FBXL7: variants seen among roughly 807,000 people sequenced by gnomAD.
FBXL7 encodes F-box/LRR-repeat protein 7.
In FBXL7, 12 loss-of-function variants were observed where a neutral mutation model predicts 38.3. That is an observed-to-expected ratio of 0.31 (90% CI 0.20 to 0.51). FBXL7 has a LOEUF of 0.51. Among genes scored for constraint, FBXL7 ranks in the 20% least tolerant of loss-of-function variants. The pLI is 0.98. For synonymous variants in FBXL7, 297 were observed against 300.9 expected (o/e 0.99, Z 0.13); for missense variants, 567 against 676.4 (o/e 0.84, Z 1.79).
At chr5:15,926,171 G>C (rs1741871997) in intron 2 of FBXL7, among the ~76,000 whole-genome samples, 1 of 151,792 alleles carries the variant, frequency 6.6e-6, no homozygotes. Flanking sequence ...ATGTGTGTGG[G>C]TATATGTATG....
intron 2 of FBXL7, among the ~76,000 whole-genome samples, chr5:15,657,946 C>A (rs1190298515): frequency 4.6e-5 from 7 of 152,056 alleles, no homozygotes; most frequent in Admixed American, 4.6e-4. Flanking sequence ...TAAATTCTGC[C>A]TAAGGTGGAA....
chr5:15,561,759 G>C (rs999807822), intron 1 of FBXL7, among the ~76,000 whole-genome samples: 2 of 152,040 alleles, frequency 1.3e-5, no homozygotes, highest in Non-Finnish European at 1.5e-5. Context: ...TAACAGGCAT[G>C]AGATGGTATC....
chr5:15,685,176 C>T (rs73752499), intron 2 of FBXL7, among the ~76,000 whole-genome samples: 8,110 of 152,234 alleles, frequency 0.053, 238 homozygotes, highest in East Asian at 0.084. Flanking sequence ...AACAGTGAAA[C>T]TCATGAATGT....
At chr5:15,894,026 G>A (rs974967784) in intron 2 of FBXL7, among the ~76,000 whole-genome samples, 7 of 152,228 alleles carry the variant, frequency 4.6e-5, no homozygotes, top group African/African-American at 1.7e-4. Context: ...GGTGGCTTAC[G>A]CCTGTAATCC....
chr5:15,727,325 T>C (rs77561503), intron 2 of FBXL7, among the ~76,000 whole-genome samples: 24 of 152,342 alleles, frequency 1.6e-4, no homozygotes, highest in African/African-American at 5.3e-4. Context: ...TGCTTTGGAT[T>C]ACTGTTTAGT....
intron 2 of FBXL7, among the ~76,000 whole-genome samples, chr5:15,734,710 A>T (rs972860950): frequency 3.3e-5 from 5 of 152,152 alleles, no homozygotes; most frequent in African/African-American, 1.2e-4. Flanking sequence ...AGGACTTATG[A>T]TACATATGTT....
intron 2 of FBXL7, among the ~76,000 whole-genome samples, chr5:15,641,085 ACAATCAAGG>A (rs1370121214): frequency 6.6e-6 from 1 of 152,196 alleles, no homozygotes; most frequent in Non-Finnish European, 1.5e-5. Context: ...CAGAGTGAAG[ACAATCAAGG>A]CAAGTCTCCA....
At chr5:15,774,946 G>A (rs1296349432) in intron 2 of FBXL7, among the ~76,000 whole-genome samples, 2 of 152,190 alleles carry the variant, frequency 1.3e-5, no homozygotes, top group East Asian at 3.9e-4. Flanking sequence ...AAGTAGATAA[G>A]TCTGTGAACA....
chr5:15,507,047 T>G (rs1056408741), intron 1 of FBXL7, among the ~76,000 whole-genome samples: 1 of 151,448 alleles, frequency 6.6e-6, no homozygotes, highest in Non-Finnish European at 1.5e-5. Flanking sequence ...ATTTGTGACT[T>G]CATTCAAGGG....
chr5:15,500,646 C>T lies in FBXL7; in HGVS notation c.-31C>T. On this transcript the variant is annotated 5_prime_UTR_variant, in exon 1 of 4. Coordinates refer to ENST00000504595, the MANE Select transcript of FBXL7 (RefSeq NM_012304.5). ...GACGTGCGCCGCAGCTATGGAGTGTCCCGGGAGACGGCGGGCATGACGGCT... is the reference window on the plus strand; with the variant it reads ...GACGTGCGCCGCAGCTATGGAGTGTTCCGGGAGACGGCGGGCATGACGGCT... The T allele has an allele frequency of 6.2e-7, 1 of 1,613,454 alleles. No homozygotes were observed. Among genetic ancestry groups the T allele is most frequent in the Non-Finnish European group, 8.5e-7 (1 of 1,179,588 alleles).
chr5:15,806,429 A>C (rs1302620953), intron 2 of FBXL7, among the ~76,000 whole-genome samples: 3 of 152,214 alleles, frequency 2.0e-5, no homozygotes, highest in Non-Finnish European at 4.4e-5. Flanking sequence ...GGCCTGAAAA[A>C]AAAATAGTAT....
At chr5:15,848,963 A>G (rs1739012246) in intron 2 of FBXL7, among the ~76,000 whole-genome samples, 1 of 152,236 alleles carries the variant, frequency 6.6e-6, no homozygotes, top group Non-Finnish European at 1.5e-5. Flanking sequence ...TCTTTTGGAA[A>G]AGTAAATCCA....
At chr5:15,728,499 T>C (rs1341275854) in intron 2 of FBXL7, among the ~76,000 whole-genome samples, 1 of 152,158 alleles carries the variant, frequency 6.6e-6, no homozygotes, top group African/African-American at 2.4e-5. Flanking sequence ...AGCAAACTTT[T>C]AATGTGCAAT....
intron 2 of FBXL7, among the ~76,000 whole-genome samples, chr5:15,687,875 G>A (rs1305372223): frequency 6.6e-6 from 1 of 152,222 alleles, no homozygotes; most frequent in African/African-American, 2.4e-5. Flanking sequence ...CATGTGCATT[G>A]AGGGATGATA....
chr5:15,609,852 G>A (rs1561050128), intron 1 of FBXL7, among the ~76,000 whole-genome samples: 1 of 152,186 alleles, frequency 6.6e-6, no homozygotes, highest in Non-Finnish European at 1.5e-5. Flanking sequence ...CAATTCTACA[G>A]CCTCTAGAGT....
chr5:15,535,047 C>T (rs1356212773), intron 1 of FBXL7, among the ~76,000 whole-genome samples: 1 of 152,100 alleles, frequency 6.6e-6, no homozygotes, highest in South Asian at 2.1e-4. Context: ...GGCAGTTAAC[C>T]CCTCACTCTC....
At chr5:15,592,886 A>C (rs1447554207) in intron 1 of FBXL7, among the ~76,000 whole-genome samples, 2 of 152,200 alleles carry the variant, frequency 1.3e-5, no homozygotes, top group East Asian at 3.8e-4. Flanking sequence ...GTACTTGTAA[A>C]TGAATAGCAA....
At chr5:15,839,776 T>C (rs1738693720) in intron 2 of FBXL7, among the ~76,000 whole-genome samples, 1 of 152,174 alleles carries the variant, frequency 6.6e-6, no homozygotes, top group Non-Finnish European at 1.5e-5. Context: ...TTCCTCTTCC[T>C]CTTACTCCTA....
At chr5:15,745,842 A>C (rs1736001269) in intron 2 of FBXL7, among the ~76,000 whole-genome samples, 1 of 152,206 alleles carries the variant, frequency 6.6e-6, no homozygotes. Flanking sequence ...AATCCATTGG[A>C]GAGTTTAAAG....
Sources: gnomAD v4.1 joint callset for allele counts (sites outside exome capture counted in the v4.1 genomes callset) on GRCh38, gnomAD v4.1.1 for gene constraint, MANE v1.5 for transcripts, NCBI Gene and HGNC (gene_info 2026-07-23, HGNC 2026-07-21) for gene names.